Variants in MACF1 observed in about 807,000 individuals in gnomAD.
MACF1 encodes microtubule-actin cross-linking factor 1.
A neutral mutation model predicts 854.8 loss-of-function variants in MACF1; 193 were observed. The ratio of observed to expected loss-of-function variants is 0.23; its 90% CI spans 0.20 to 0.25. The LOEUF (loss-of-function observed/expected upper bound fraction) is 0.25. MACF1 is among the 10% of genes least tolerant of loss of function. MACF1 has a pLI of 1.00. For missense variants in MACF1, 7,722 were observed against 8,929.1 expected, an observed-to-expected ratio of 0.86 and a Z score of 5.45; for synonymous variants, 3,185 against 3,226.7, an observed-to-expected ratio of 0.99 and a Z score of 0.44.
chr1:39,294,610 G>T (rs2148403981), intron 18 of MACF1, among the ~76,000 whole-genome samples: 1 of 152,296 alleles, frequency 6.6e-6, no homozygotes, highest in Non-Finnish European at 1.5e-5. Context: ...CTTCACAGAA[G>T]AGCTATTTAA....
intron 40 of MACF1, among the ~76,000 whole-genome samples, chr1:39,345,635 TAAAC>T (rs1412541090): frequency 6.6e-6 from 1 of 152,096 alleles, no homozygotes; most frequent in Non-Finnish European, 1.5e-5. Flanking sequence ...TAGCGAATCA[TAAAC>T]AAATTATATA....
chr1:39,203,216 T>G (rs1331400733), upstream of MACF1, among the ~76,000 whole-genome samples: 1 of 152,188 alleles, frequency 6.6e-6, no homozygotes, highest in Non-Finnish European at 1.5e-5. Flanking sequence ...TAGAAGTAAG[T>G]AAACAGGGTC....
At chr1:39,301,695 G>A (rs1319111972) in intron 22 of MACF1, among the ~76,000 whole-genome samples, 2 of 152,000 alleles carry the variant, frequency 1.3e-5, no homozygotes, top group Non-Finnish European at 2.9e-5. Flanking sequence ...AAAGTGCTGG[G>A]ATTACAGGCA....
chr1:39,446,284 A>G (rs572914354), intron 80 of MACF1, among the ~76,000 whole-genome samples: 12 of 149,956 alleles, frequency 8.0e-5, no homozygotes, highest in African/African-American at 3.0e-4. Flanking sequence ...TATAAATTAG[A>G]TATAAAAGTA....
chr1:39,435,597 G>C lies in MACF1; in HGVS notation c.17824G>C (p.Asp5942His), dbSNP rs1460046504. 1 of 1,614,054 alleles carries C rather than the reference G, an allele frequency of 6.2e-7. No individual in the cohort carries two copies. Among genetic ancestry groups the C allele is most frequent in the Non-Finnish European group, 8.5e-7 (1 of 1,180,002 alleles). The change falls in exon 70 of 101, where the codon GAC (aspartate) becomes CAC (histidine). Residue 5942 changes from aspartate (D) to histidine (H), a missense_variant. Asp to His is a moderately conservative substitution (Grantham distance 81). Around this residue, in one of 15 missense-constraint regions of MACF1, gnomAD observed 2,807 missense variants for 3,235.8 expected, o/e 0.87. Transcript: ENST00000564288. Reference sequence around the variant, plus strand: ...TATTGCTGAACACAAACCTCATATTGACAAACTACTAAAGATAGGCCCACA... The same window carrying C: ...TATTGCTGAACACAAACCTCATATTCACAAACTACTAAAGATAGGCCCACA... ...ESIAEHKPHI[D>H]KLLKIGPQLK...
chr1:39,428,685 T>C (rs1405155114), intron 63 of MACF1, among the ~76,000 whole-genome samples: 1 of 152,234 alleles, frequency 6.6e-6, no homozygotes, highest in Non-Finnish European at 1.5e-5. Flanking sequence ...ACTTTTAGGA[T>C]ATTTCTGGAT....
Position 39,406,738 on chromosome 1 carries a change from C to CAAAAAAAAAAAAA in MACF1, c.15817-15628_15817-15616dup, listed in dbSNP as rs5773658. Among the ~76,000 whole-genome samples the CAAAAAAAAAAAAA allele has an allele frequency of 1.5e-3, 47 of 31,810 alleles. 3 individuals carry two copies. Among genetic ancestry groups the CAAAAAAAAAAAAA allele is most frequent in the African/African-American group, 6.5e-3 (44 of 6,770 alleles). 20.9% of individuals were successfully genotyped at this position (31,810 alleles called of 152,430 possible). On this transcript the variant is annotated intron_variant, in intron 58 of 100. Coordinates refer to ENST00000564288, the MANE Select transcript of MACF1 (RefSeq NM_001394062.1). ...CGACAGAGTGAGACAGAGTCTCACT[C>CAAAAAAAAAAAAA]AAAAAAAAAAAAAAAAAAAACATTC...
chr1:39,474,109 C>T (rs1644829321), intron 97 of MACF1, among the ~76,000 whole-genome samples: 1 of 152,030 alleles, frequency 6.6e-6, no homozygotes, highest in South Asian at 2.1e-4. Flanking sequence ...AAAATACAGG[C>T]CGGGTGCAGC....
chr1:39,464,972 G>C, intron 94 of MACF1, 123 bp from the exon 95 acceptor site: 1 of 871,566 alleles, frequency 1.1e-6, no homozygotes, highest in Non-Finnish European at 1.9e-6. Context: ...AATATGTTCA[G>C]TGTGTGTCAC....
chr1:39,430,472 A>G (rs1643861629), intron 65 of MACF1, among the ~76,000 whole-genome samples: 2 of 152,122 alleles, frequency 1.3e-5, no homozygotes, highest in Admixed American at 6.5e-5. Context: ...TGTTTTACCC[A>G]GAGACAATGT....
chr1:39,414,585 G>A (rs1643213184), intron 58 of MACF1: 3 of 1,509,410 alleles, frequency 2.0e-6, no homozygotes, highest in South Asian at 1.3e-5. Context: ...TGTTCTTTTT[G>A]GGTCTCCCGG....
Position 39,359,222 on chromosome 1 carries a change from G to A in MACF1, c.12202G>A (p.Gly4068Arg), listed in dbSNP as rs778369595. The A allele has an allele frequency of 2.5e-6, 4 of 1,614,144 alleles. No individual in the cohort carries two copies. In the Admixed American group the frequency reaches 5.0e-5, roughly 20 times the overall value. ...AGCTCGTGACATAATGGAAATTGAAGGGGAGCCAGCCCCAGACCACAGGCA... is the reference window on the plus strand; with the variant it reads ...AGCTCGTGACATAATGGAAATTGAAAGGGAGCCAGCCCCAGACCACAGGCA... ...KVARDIMEIEGEPAPDHRHVQ... is the reference protein window; with the variant it reads ...KVARDIMEIEREPAPDHRHVQ... The change falls in exon 47 of 101, where the codon GGG (glycine) becomes AGG (arginine). Residue 4068 changes from glycine to arginine, a missense_variant. Gly to Arg is a moderately radical substitution (Grantham distance 125). Coordinates refer to ENST00000564288, the MANE Select transcript of MACF1 (RefSeq NM_001394062.1).
chr1:39,230,804 C>T (rs1288138220), intron 1 of MACF1, among the ~76,000 whole-genome samples: 2 of 152,042 alleles, frequency 1.3e-5, no homozygotes, highest in Non-Finnish European at 2.9e-5. Context: ...GAAATTTAAC[C>T]ACTGCAATAT....
rs1477685882 is a variant in MACF1, at chr1:39,428,138, C to G, written c.16654C>G (p.Leu5552Val). ...QDRCCRKAAL[L>V]DQALSNARLF... Reference sequence around the variant, plus strand: ...CCGCTGTTGTCGGAAGGCAGCCCTACTTGACCAAGCTCTGTCTAATGCTAG... The same window carrying G: ...CCGCTGTTGTCGGAAGGCAGCCCTAGTTGACCAAGCTCTGTCTAATGCTAG... Residue 5552 changes from leucine to valine, a missense_variant, in exon 63 of 101, where the codon CTT becomes GTT. Leu to Val is a conservative substitution (Grantham distance 32). Transcript: ENST00000564288. The G allele has an allele frequency of 6.2e-7, 1 of 1,614,188 alleles. No individual in the cohort carries two copies. Among genetic ancestry groups the G allele is most frequent in the Non-Finnish European group, 8.5e-7 (1 of 1,180,040 alleles).
chr1:39,378,565 T>C (rs1443130457), intron 53 of MACF1, 42 bp downstream of exon 53: 23 of 1,558,992 alleles, frequency 1.5e-5, no homozygotes, highest in Non-Finnish European at 1.9e-5. Context: ...TTGGATGTGT[T>C]AGGACAGTGT....
At chr1:39,314,393 G>T (rs1419570013) in intron 26 of MACF1, among the ~76,000 whole-genome samples, 1 of 151,390 alleles carries the variant, frequency 6.6e-6, no homozygotes, top group East Asian at 1.9e-4. Context: ...TGGGCAACAA[G>T]AGCGAAACTC....
At chr1:39,234,882 A>G (rs1644840084) in intron 2 of MACF1, among the ~76,000 whole-genome samples, 2 of 134,938 alleles carry the variant, frequency 1.5e-5, no homozygotes, top group Non-Finnish European at 3.2e-5. Flanking sequence ...GGCGGGGCAG[A>G]GGCGCTCCCC....
At chr1:39,233,808 T>TTTTTTTTTTTTTTTTTTTTGA (rs755591226) in intron 2 of MACF1, among the ~76,000 whole-genome samples, 1 of 65,772 alleles carries the variant, frequency 1.5e-5, no homozygotes. Flanking sequence ...ATTTATTTTT[T>TTTTTTTTTTTTTTTTTTTTGA]ATTGATAATT....
chr1:39,320,933 A>G (rs992094039), intron 31 of MACF1, among the ~76,000 whole-genome samples: 1 of 152,216 alleles, frequency 6.6e-6, no homozygotes, highest in African/African-American at 2.4e-5. Context: ...GTGTCACTGC[A>G]CTTCAACCTG....
Sources: allele counts gnomAD v4.1 joint callset (sites outside exome capture counted in the v4.1 genomes callset), GRCh38; gene constraint gnomAD v4.1.1; regional missense constraint gnomAD v4.1.1; transcripts MANE v1.5; gene names NCBI Gene and HGNC (gene_info 2026-07-23, HGNC 2026-07-21).